Variants in ZNF628 observed in about 807,000 individuals in gnomAD.
ZNF628 encodes the protein zinc finger protein 628.
Under a neutral mutation model 2.5 loss-of-function variants are expected in ZNF628, and 3 were observed. The observed-to-expected ratio is 1.19, with a 90% CI of 0.54 to 3.07. The LOEUF (loss-of-function observed/expected upper bound fraction) is 3.07. ZNF628 is among the 30% of genes most tolerant of loss of function. The pLI is 0.03. For synonymous variants in ZNF628, 861 were observed against 717.1 expected, an observed-to-expected ratio of 1.20 and a Z score of -3.21; for missense variants, 1,610 against 1,517.1, an observed-to-expected ratio of 1.06 and a Z score of -1.02.
In ZNF628 at chr19:55,483,902, C is replaced by T. The variant is rs529995157; in HGVS notation, c.2709C>T (p.Gly903=). ...GGGCAGCTGAGGAGTTGCTCACTGG[C>T]CCGGGCCCCGGGGAGGCGGGGGATG... ...QSGAAEELLT[G]PGPGEAGDGE... Residue 903 remains glycine (G), a synonymous_variant, in exon 3 of 3, where the codon GGC becomes GGT. Coordinates refer to ENST00000598519, the MANE Select transcript of ZNF628 (RefSeq NM_033113.3). 1.3e-6 allele frequency: 2 copies of T among 1,592,152 alleles called. No homozygotes were observed. The highest frequency in any genetic ancestry group is 1.1e-5 in the South Asian group (1 of 88,170).
In ZNF628 at chr19:55,482,777, C is replaced by T. The variant is rs775019081; in HGVS notation, c.1584C>T (p.His528=). The change falls in exon 3 of 3, where the codon CAC becomes CAT. Residue 528 remains histidine, a synonymous_variant. Transcript: ENST00000598519. ...AGTGGTCGTCCCACTACCAGTACCA[C>T]CTGCGGCTGCACTCTGGCGAGCGGC... ...TFKWSSHYQY[H]LRLHSGERPY... is the part of the protein sequence containing the mutation. The T allele has an allele frequency of 3.7e-6, 6 of 1,611,072 alleles. No individual in the cohort carries two copies. The highest frequency in any genetic ancestry group is 2.2e-5 in the East Asian group (1 of 44,802).
Position 55,481,555 on chromosome 19 carries a change from T to C in ZNF628, c.362T>C (p.Ile121Thr), listed in dbSNP as rs1171860044. Residue 121 changes from isoleucine to threonine, a missense_variant, in exon 3 of 3, where the codon ATC becomes ACC. Coordinates refer to ENST00000598519, the MANE Select transcript of ZNF628 (RefSeq NM_033113.3). The stretch of plus-strand genomic sequence containing the variant: ...GTGCACACCGGCCTGCGGGCCTTCA[T>C]CTGCGGCCAGTGCGGCCTGGCCTTC... The part of the protein sequence containing the change: ...RSVHTGLRAF[I>T]CGQCGLAFKW... 6.2e-7 allele frequency: 1 copy of C among 1,610,096 alleles called. No homozygotes were observed. Among genetic ancestry groups the C allele is most frequent in the Non-Finnish European group, 8.5e-7 (1 of 1,179,102 alleles).
At chr19:55,478,106 C>A (rs996032178) in intron 1 of ZNF628, among the ~76,000 whole-genome samples, 1 of 152,076 alleles carries the variant, frequency 6.6e-6, no homozygotes, top group African/African-American at 2.4e-5. Context: ...CAATGTCAGG[C>A]GTCCAGTGGG....
rs1986769179 is a variant in ZNF628 at position 55,482,809 on chromosome 19, C to T, written c.1616C>T (p.Ala539Val). The change falls in exon 3 of 3, where the codon GCC (alanine) becomes GTC (valine). Residue 539 changes from alanine to valine, a missense_variant. Transcript: ENST00000598519. The part of the protein sequence containing the change: ...LRLHSGERPY[A>V]CGECGKAFRN... ...CTGCACTCTGGCGAGCGGCCCTACG[C>T]CTGCGGGGAGTGTGGCAAGGCCTTC... 1.2e-6 allele frequency: 2 copies of T among 1,611,084 alleles called. No individual in the cohort carries two copies. The highest frequency in any genetic ancestry group is 2.2e-5 in the East Asian group (1 of 44,810).
chr19:55,483,466 G>A lies in ZNF628; in HGVS notation c.2273G>A (p.Arg758Lys). The change falls in exon 3 of 3, where the codon AGG becomes AAG. Residue 758 changes from arginine to lysine, a missense_variant. Coordinates refer to ENST00000598519, the MANE Select transcript of ZNF628 (RefSeq NM_033113.3). ...SSAGAGGGRA[R>K]QGPRAVGKAG... Reference sequence around the variant, plus strand: ...GCTGGGGCTGGGGGCGGCCGTGCAAGGCAGGGCCCGCGGGCAGTGGGGAAA... The same window carrying A: ...GCTGGGGCTGGGGGCGGCCGTGCAAAGCAGGGCCCGCGGGCAGTGGGGAAA... The A allele has an allele frequency of 1.3e-6, 2 of 1,519,190 alleles. No individual in the cohort carries two copies. The highest frequency in any genetic ancestry group is 1.8e-6 in the Non-Finnish European group (2 of 1,136,184). 94.1% of individuals were successfully genotyped at this position (1,519,190 alleles called of 1,614,324 possible).
At position 55,483,435 on chromosome 19, in the gene ZNF628, T is replaced by G. The variant is rs760005200; in HGVS notation, c.2242T>G (p.Ser748Ala). The G allele has an allele frequency of 1.3e-6, 2 of 1,516,462 alleles. No individual in the cohort carries two copies. Among genetic ancestry groups the G allele is most frequent in the Non-Finnish European group, 1.8e-6 (2 of 1,134,304 alleles). The allele number at this position is 1,516,462 out of a possible 1,614,324, so 93.9% of individuals were successfully genotyped here. A position where few individuals can be genotyped will look rare whatever the true frequency, so the allele number is the denominator to read the frequency against. ...TCCCAAGCTCATCCTGCTGCCCTCC[T>G]CCAGTGCTGGGGCTGGGGGCGGCCG... Reference protein sequence around the residue: ...APPKLILLPSSSAGAGGGRAR... With the variant: ...APPKLILLPSASAGAGGGRAR... Residue 748 changes from serine to alanine, a missense_variant, in exon 3 of 3, where the codon TCC becomes GCC. Coordinates refer to ENST00000598519, the MANE Select transcript of ZNF628 (RefSeq NM_033113.3).
In ZNF628 at chr19:55,484,333, T is replaced by C; in HGVS notation, c.3140T>C (p.Val1047Ala). Reference sequence around the variant, plus strand: ...CAGGGCCTGCCCTCCATCCAGATTGTCCAGACTCTACCCGCAGTCCAGCTG... The same window carrying C: ...CAGGGCCTGCCCTCCATCCAGATTGCCCAGACTCTACCCGCAGTCCAGCTG... ...TPQGLPSIQIVQTLPAVQLVH... is the reference protein window; with the variant it reads ...TPQGLPSIQIAQTLPAVQLVH... The change falls in exon 3 of 3, where the codon GTC becomes GCC. Residue 1047 changes from valine to alanine, a missense_variant. Transcript: ENST00000598519. The C allele has an allele frequency of 3.4e-6, 5 of 1,473,242 alleles. No homozygotes were observed. Among genetic ancestry groups the C allele is most frequent in the Non-Finnish European group, 4.5e-6 (5 of 1,108,966 alleles). 91.3% of individuals were successfully genotyped at this position (1,473,242 alleles called of 1,614,324 possible).
chr19:55,483,182 T>A lies in ZNF628; in HGVS notation c.1989T>A (p.Pro663=). ...TTAPAAGPQP[P]APLAAARAPP... ...CCCCTGCCGCCGGCCCCCAGCCCCC[T>A]GCTCCACTGGCTGCTGCGCGGGCCC... Residue 663 remains proline, a synonymous_variant, in exon 3 of 3, where the codon CCT becomes CCA. Coordinates refer to ENST00000598519, the MANE Select transcript of ZNF628 (RefSeq NM_033113.3). 1 of 1,550,468 alleles carries A rather than the reference T, an allele frequency of 6.4e-7. No individual in the cohort carries two copies. The highest frequency in any genetic ancestry group is 8.7e-7 in the Non-Finnish European group (1 of 1,155,412).
chr19:55,476,936 A>G (rs915278841), intron 1 of ZNF628, 129 bp downstream of exon 1: 1 of 151,372 alleles, frequency 6.6e-6, no homozygotes, highest in African/African-American at 2.4e-5. Context: ...TTCACCTCCG[A>G]CATTTGCCAG....
rs1388917308 is a variant in ZNF628 at position 55,481,643 on chromosome 19, C to T, written c.450C>T (p.Cys150=). Residue 150 remains cysteine, a synonymous_variant, in exon 3 of 3, where the codon TGC becomes TGT. Transcript: ENST00000598519. The part of the protein sequence containing the change: ...RQHTGERPYP[C]PDCPKAFKNS... ...ACACAGGCGAGCGCCCCTACCCGTG[C>T]CCGGACTGCCCCAAGGCCTTCAAGA... 4 of 1,609,610 alleles carry T rather than the reference C, an allele frequency of 2.5e-6. No homozygotes were observed. The highest frequency in any genetic ancestry group is 2.2e-5 in the East Asian group (1 of 44,558).
Position 55,483,433 on chromosome 19 carries a change from C to T in ZNF628, c.2240C>T (p.Ser747Phe), listed in dbSNP as rs777227024. 1.9e-4 allele frequency: 294 copies of T among 1,516,080 alleles called. No individual in the cohort carries two copies. The highest frequency in any genetic ancestry group is 3.5e-4 in the Admixed American group (16 of 45,774). 93.9% of individuals were successfully genotyped at this position (1,516,080 alleles called of 1,614,324 possible). A position where few individuals can be genotyped will look rare whatever the true frequency, so the allele number is the denominator to read the frequency against. Reference sequence around the variant, plus strand: ...CCTCCCAAGCTCATCCTGCTGCCCTCCTCCAGTGCTGGGGCTGGGGGCGGC... The same window carrying T: ...CCTCCCAAGCTCATCCTGCTGCCCTTCTCCAGTGCTGGGGCTGGGGGCGGC... Reference protein sequence around the residue: ...PAPPKLILLPSSSAGAGGGRA... With the variant: ...PAPPKLILLPFSSAGAGGGRA... The change falls in exon 3 of 3, where the codon TCC (serine) becomes TTC (phenylalanine). Residue 747 changes from serine (S) to phenylalanine (F), a missense_variant. Physicochemically the swap from Ser to Phe is radical, Grantham distance 155 (BLOSUM62 -2). Coordinates refer to ENST00000598519, the MANE Select transcript of ZNF628 (RefSeq NM_033113.3).
chr19:55,483,272 G>T lies in ZNF628; in HGVS notation c.2079G>T (p.Ala693=). ...HLQATLSLEV[A]GGTAQAPSLG... is the part of the protein sequence containing the mutation. ...AGGCCACGCTCTCCCTCGAGGTGGCGGGGGGCACGGCCCAGGCCCCGAGCT... is the reference window on the plus strand; with the variant it reads ...AGGCCACGCTCTCCCTCGAGGTGGCTGGGGGCACGGCCCAGGCCCCGAGCT... The change falls in exon 3 of 3, where the codon GCG becomes GCT. Residue 693 remains alanine, a synonymous_variant. Transcript: ENST00000598519. 1 of 1,519,564 alleles carries T rather than the reference G, an allele frequency of 6.6e-7. No homozygotes were observed. The highest frequency in any genetic ancestry group is 2.4e-5 in the East Asian group (1 of 40,824). 94.1% of individuals were successfully genotyped at this position (1,519,564 alleles called of 1,614,324 possible).
At chr19:55,477,970 C>T (rs982204919) in intron 1 of ZNF628, among the ~76,000 whole-genome samples, 6 of 152,186 alleles carry the variant, frequency 3.9e-5, no homozygotes, top group Non-Finnish European at 2.9e-5. Flanking sequence ...AAACAGAAAG[C>T]ACACTGGTTA....
Position 55,479,773 on chromosome 19 carries a change from A to G in ZNF628, c.-77-61A>G. 2.5e-6 allele frequency: 1 copy of G among 395,036 alleles called. No individual in the cohort carries two copies. Among genetic ancestry groups the G allele is most frequent in the Non-Finnish European group, 4.5e-6 (1 of 223,898 alleles). 24.5% of individuals were successfully genotyped at this position (395,036 alleles called of 1,614,324 possible). A position where few individuals can be genotyped will look rare whatever the true frequency, so the allele number is the denominator to read the frequency against. On this transcript the variant is annotated intron_variant, in intron 1 of 2. Transcript: ENST00000598519. The surrounding 1 kb of genome is among the most constrained non-coding windows in gnomAD (Gnocchi z 5.1). The stretch of plus-strand genomic sequence containing the variant: ...AAGGCACAGTTTGTCCCAGTTGAGA[A>G]CCACTAGTATCGTGGTCAGAATGTG...
chr19:55,482,225 G>A lies in ZNF628; in HGVS notation c.1032G>A (p.Gln344=). 1 of 1,458,302 alleles carries A rather than the reference G, an allele frequency of 6.9e-7. No homozygotes were observed. The highest frequency in any genetic ancestry group is 9.0e-7 in the Non-Finnish European group (1 of 1,112,780). 90.3% of individuals were successfully genotyped at this position (1,458,302 alleles called of 1,614,324 possible). ...KADQPPSPLP[Q]PPPPAAAPAP... is the part of the protein sequence containing the mutation. Reference sequence around the variant, plus strand: ...ACCAGCCACCGTCCCCTCTGCCGCAGCCCCCTCCTCCCGCCGCCGCCCCCG... The same window carrying A: ...ACCAGCCACCGTCCCCTCTGCCGCAACCCCCTCCTCCCGCCGCCGCCCCCG... The change falls in exon 3 of 3, where the codon CAG becomes CAA. Residue 344 remains glutamine (Q), a synonymous_variant. Transcript: ENST00000598519.
In ZNF628 at chr19:55,482,888, C is replaced by A; in HGVS notation, c.1695C>A (p.Pro565=). ...RHRHVHTGER[P]HACGVCGKSF... is the part of the protein sequence containing the mutation. Reference sequence around the variant, plus strand: ...GCCACGTGCACACTGGCGAGAGGCCCCACGCCTGCGGTGTCTGCGGCAAGA... The same window carrying A: ...GCCACGTGCACACTGGCGAGAGGCCACACGCCTGCGGTGTCTGCGGCAAGA... The change falls in exon 3 of 3, where the codon CCC becomes CCA. Residue 565 remains proline, a synonymous_variant. Coordinates refer to ENST00000598519, the MANE Select transcript of ZNF628 (RefSeq NM_033113.3). 1 of 1,603,878 alleles carries A rather than the reference C, an allele frequency of 6.2e-7. No individual in the cohort carries two copies.
chr19:55,477,762 C>CA (rs34279078), intron 1 of ZNF628, among the ~76,000 whole-genome samples: 62,471 of 149,272 alleles, frequency 0.42, 13,345 homozygotes, highest in South Asian at 0.55. Context: ...ACCCTGTCTC[C>CA]AAAAAAAAAC....
At position 55,479,235 on chromosome 19, in the gene ZNF628, C is replaced by T. The variant is rs926047283; in HGVS notation, c.-77-599C>T. 4.6e-5 allele frequency among the ~76,000 whole-genome samples: 7 copies of T among 152,092 alleles called. No individual in the cohort carries two copies. Among genetic ancestry groups the T allele is most frequent in the Non-Finnish European group, 7.4e-5 (5 of 68,008 alleles). The stretch of plus-strand genomic sequence containing the variant: ...AGGTATCCCGGAGGCCAGGGGGAGG[C>T]GGGCCACGGACCCAGTGACAAGTGG... On this transcript the variant is annotated intron_variant, in intron 1 of 2. Transcript: ENST00000598519. This position sits in a 1 kb window ranked among gnomAD's most constrained non-coding sequence, Gnocchi z 5.1.
chr19:55,482,380 C>A lies in ZNF628; in HGVS notation c.1187C>A (p.Pro396Gln), dbSNP rs1299105429. Residue 396 changes from proline to glutamine, a missense_variant, in exon 3 of 3, where the codon CCG (proline) becomes CAG (glutamine). Transcript: ENST00000598519. The part of the protein sequence containing the change: ...FRCGSCDGSF[P>Q]QLASLLAHQQ... ...TGCGGCAGCTGCGACGGCTCCTTCCCGCAGCTGGCCAGCCTCCTGGCGCAT... is the reference window on the plus strand; with the variant it reads ...TGCGGCAGCTGCGACGGCTCCTTCCAGCAGCTGGCCAGCCTCCTGGCGCAT... 2 of 1,423,540 alleles carry A rather than the reference C, an allele frequency of 1.4e-6. No individual in the cohort carries two copies. Among genetic ancestry groups the A allele is most frequent in the South Asian group, 1.4e-5 (1 of 72,380 alleles). The allele number at this position is 1,423,540 out of a possible 1,614,324, so 88.2% of individuals were successfully genotyped here.
Sources: allele counts gnomAD v4.1 joint callset (sites outside exome capture counted in the v4.1 genomes callset), GRCh38; gene constraint gnomAD v4.1.1; non-coding constraint Gnocchi (gnomAD v3.1); transcripts MANE v1.5; gene names NCBI Gene and HGNC (gene_info 2026-07-23, HGNC 2026-07-21).